TLDC2: variants seen among roughly 807,000 people sequenced by gnomAD.
TLDC2 encodes the protein TBC/LysM-associated domain containing 2.
Under a neutral mutation model 27.9 loss-of-function variants are expected in TLDC2, and 23 were observed. The observed-to-expected ratio is 0.82, with a 90% CI of 0.59 to 1.17. The LOEUF is 1.17. TLDC2 is among the 50% of genes most tolerant of loss of function. The pLI, the probability that TLDC2 is intolerant of heterozygous loss-of-function variation, is 0.00. For missense variants in TLDC2, 286 were observed against 273.4 expected, an observed-to-expected ratio of 1.05 and a Z score of -0.32; for synonymous variants, 124 against 107.4, an observed-to-expected ratio of 1.16 and a Z score of -0.96.
At chr20:36,878,652 G>C (rs1183196726) in intron 2 of TLDC2, among the ~76,000 whole-genome samples, 1 of 152,054 alleles carries the variant, frequency 6.6e-6, no homozygotes, top group African/African-American at 2.4e-5. Context: ...AAGCTGGAGA[G>C]GGGTGGGCGG....
At chr20:36,887,275 A>C (rs190600119) in intron 4 of TLDC2, among the ~76,000 whole-genome samples, 180 bp from the exon 5 acceptor site, 43 of 151,548 alleles carry the variant, frequency 2.8e-4, no homozygotes, top group African/African-American at 1.0e-3. Flanking sequence ...TGCGGTGGTG[A>C]CTCCAAGGAG....
At chr20:36,880,771 T>C (rs770398634) in intron 4 of TLDC2, 21 bp downstream of exon 4, 15 of 1,607,992 alleles carry the variant, frequency 9.3e-6, no homozygotes, top group Non-Finnish European at 1.3e-5. Flanking sequence ...CAACCTTCCA[T>C]GGGGGGAGTG....
chr20:36,893,816 C>G lies in TLDC2; in HGVS notation c.*972C>G, dbSNP rs1188641971. On this transcript the variant is annotated 3_prime_UTR_variant, in exon 7 of 7. Transcript: ENST00000217320. ...TATTTGCTCTCAGATCCATTCTTCA[C>G]TCTTCCTCTCCCTACTCTGTCTCAC... 2.5e-6 allele frequency: 1 copy of G among 398,516 alleles called. No individual in the cohort carries two copies. Among genetic ancestry groups the G allele is most frequent in the Non-Finnish European group, 4.4e-6 (1 of 226,024 alleles). 24.7% of individuals were successfully genotyped at this position (398,516 alleles called of 1,614,324 possible).
intron 3 of TLDC2, among the ~76,000 whole-genome samples, chr20:36,880,426 C>T (rs1474232385): frequency 2.0e-5 from 3 of 151,956 alleles, no homozygotes; most frequent in African/African-American, 7.2e-5. Flanking sequence ...AAAAGGAGGG[C>T]CCTGACGGCC....
In TLDC2 at chr20:36,889,411, G is replaced by A. The variant is rs1395015777; in HGVS notation, c.*17+8G>A. 1.3e-5 allele frequency: 21 copies of A among 1,610,634 alleles called. No homozygotes were observed. The highest frequency in any genetic ancestry group is 1.6e-5 in the Non-Finnish European group (19 of 1,178,942). ...ACAGCCCTGCGGCAACAGGTACTCA[G>A]CCCTGCTCATGATGCCACCCAGGCC... On this transcript the variant is annotated splice_region_variant and intron_variant, in intron 6 of 6. Coordinates refer to ENST00000217320, the MANE Select transcript of TLDC2 (RefSeq NM_080628.3).
chr20:36,887,649 C>G (rs1989952329), intron 5 of TLDC2, 121 bp downstream of exon 5: 1 of 914,810 alleles, frequency 1.1e-6, no homozygotes, highest in African/African-American at 1.6e-5. Context: ...AACTCTCAGG[C>G]CGTTCCCCTC....
chr20:36,887,999 G>A (rs974120439), intron 5 of TLDC2, among the ~76,000 whole-genome samples: 1 of 152,134 alleles, frequency 6.6e-6, no homozygotes, highest in African/African-American at 2.4e-5. Flanking sequence ...GGGCGGGGAT[G>A]AGAGCATTGC....
chr20:36,886,411 T>C (rs1246458680), intron 4 of TLDC2, among the ~76,000 whole-genome samples: 2 of 152,070 alleles, frequency 1.3e-5, no homozygotes, highest in East Asian at 1.9e-4. Flanking sequence ...CTGGGCAACA[T>C]GGTGAAACCT....
Position 36,892,941 on chromosome 20 carries a change from GTCA to G in TLDC2, c.*100_*102del, listed in dbSNP as rs1568756364. 1.2e-6 allele frequency: 2 copies of G among 1,613,992 alleles called. No individual in the cohort carries two copies. The highest frequency in any genetic ancestry group is 4.5e-5 in the East Asian group (2 of 44,870). ...AACTGACTACAGACATTCACATTGGGTCATCTTTAAAAAGCTGGACTCTGCTTT... is the reference window on the plus strand; with the variant it reads ...AACTGACTACAGACATTCACATTGGGTCTTTAAAAAGCTGGACTCTGCTTT... On this transcript the variant is annotated 3_prime_UTR_variant, in exon 7 of 7. Transcript: ENST00000217320.
chr20:36,886,317 C>T (rs574533245), intron 4 of TLDC2, among the ~76,000 whole-genome samples: 2 of 152,138 alleles, frequency 1.3e-5, no homozygotes, highest in South Asian at 2.1e-4. Flanking sequence ...GTTTTAGGGC[C>T]GGGCGCAGTG....
At position 36,878,891 on chromosome 20, in the gene TLDC2, T is replaced by C. The variant is rs1225489453; in HGVS notation, c.190-150T>C. On this transcript the variant is annotated intron_variant, in intron 2 of 6. Coordinates refer to ENST00000217320, the MANE Select transcript of TLDC2 (RefSeq NM_080628.3). ...AACCCCTATCTCCGAGGGCTATGGC[T>C]GATGGCATGAAAGTCCCTAGAAACA... The C allele has an allele frequency of 2.7e-5, 31 of 1,160,326 alleles. No individual in the cohort carries two copies. The East Asian group carries it at 6.6e-4, about 25-fold the overall frequency. The allele number at this position is 1,160,326 out of a possible 1,614,324, so 71.9% of individuals were successfully genotyped here.
At chr20:36,882,351 T>C (rs1989833175) in intron 4 of TLDC2, among the ~76,000 whole-genome samples, 1 of 151,842 alleles carries the variant, frequency 6.6e-6, no homozygotes, top group Non-Finnish European at 1.5e-5. Context: ...AAGACCAGCC[T>C]GGCAACAGAG....
At chr20:36,885,078 C>T (rs967295300) in intron 4 of TLDC2, among the ~76,000 whole-genome samples, 3 of 151,978 alleles carry the variant, frequency 2.0e-5, no homozygotes, top group Non-Finnish European at 2.9e-5. Context: ...GGTTTCACCA[C>T]GTTGGCGAGG....
chr20:36,881,198 G>C (rs969203058), intron 4 of TLDC2, among the ~76,000 whole-genome samples: 1 of 152,134 alleles, frequency 6.6e-6, no homozygotes, highest in Non-Finnish European at 1.5e-5. Context: ...AGGCAACATA[G>C]TGAGACCCCC....
Position 36,893,139 on chromosome 20 carries a change from C to T in TLDC2, c.*295C>T. On this transcript the variant is annotated 3_prime_UTR_variant, in exon 7 of 7. Coordinates refer to ENST00000217320, the MANE Select transcript of TLDC2 (RefSeq NM_080628.3). ...CATCATCTTATTTCTGAGTGAAAGT[C>T]TCAAGTGCGCACATCCTCATCTTGC... 6.4e-7 allele frequency: 1 copy of T among 1,564,908 alleles called. No homozygotes were observed. The highest frequency in any genetic ancestry group is 8.7e-7 in the Non-Finnish European group (1 of 1,145,910).
At chr20:36,876,312 T>G in intron 1 of TLDC2, 105 bp downstream of exon 1, 2 of 1,469,256 alleles carry the variant, frequency 1.4e-6, no homozygotes, top group Non-Finnish European at 1.9e-6. Context: ...CAGTGACTTG[T>G]TCCCCTCTCA....
Position 36,880,081 on chromosome 20 carries a change from A to ATG in TLDC2, c.343-573_343-572insGT, listed in dbSNP as rs1213067863. Among the ~76,000 whole-genome samples, 320 of 41,760 alleles carry ATG rather than the reference A, an allele frequency of 7.7e-3. 3 individuals carry two copies. The highest frequency in any genetic ancestry group is 0.019 in the Middle Eastern group (1 of 52). The allele number at this position is 41,760 out of a possible 152,430, so 27.4% of individuals were successfully genotyped here. A position where few individuals can be genotyped will look rare whatever the true frequency, so the allele number is the denominator to read the frequency against. On this transcript the variant is annotated intron_variant, in intron 3 of 6. Transcript: ENST00000217320. ...AGAATATATATATACATATATATAT[A>ATG]TATATATATATATATATATACTTTT...
At chr20:36,881,454 C>T (rs1418138465) in intron 4 of TLDC2, among the ~76,000 whole-genome samples, 2 of 151,838 alleles carry the variant, frequency 1.3e-5, no homozygotes. Flanking sequence ...GCGGTCATCA[C>T]AGGTGTGGGA....
In TLDC2 at chr20:36,878,309, G is replaced by A. The variant is rs369207844; in HGVS notation, c.189+255G>A. On this transcript the variant is annotated intron_variant, in intron 2 of 6. Coordinates refer to ENST00000217320, the MANE Select transcript of TLDC2 (RefSeq NM_080628.3). The stretch of plus-strand genomic sequence containing the variant: ...TAAAGAAAGAGGCTAGGACGGGCGC[G>A]GTGGCTCACGCCTGTAATCCCAGCA... Among the ~76,000 whole-genome samples, 153 of 152,294 alleles carry A rather than the reference G, an allele frequency of 1.0e-3. 1 individual carries two copies. In the South Asian group the frequency reaches 0.028, roughly 28 times the overall value.
Sources: allele counts gnomAD v4.1 joint callset (sites outside exome capture counted in the v4.1 genomes callset), GRCh38; gene constraint gnomAD v4.1.1; transcripts MANE v1.5; gene names NCBI Gene and HGNC (gene_info 2026-07-23, HGNC 2026-07-21).